Variants in SLC22A15 observed in about 807,000 individuals in gnomAD.
SLC22A15 encodes flipt 1.
A neutral mutation model predicts 62.7 loss-of-function variants in SLC22A15; 45 were observed. The ratio of observed to expected loss-of-function variants is 0.72; its 90% CI spans 0.56 to 0.92. The LOEUF is 0.92. Among genes scored for constraint, SLC22A15 ranks in the 40% least tolerant of loss-of-function variants. SLC22A15 has a pLI of 0.00. For synonymous variants in SLC22A15, 264 were observed against 267.0 expected (o/e 0.99, Z 0.11); for missense variants, 622 against 665.6 (o/e 0.93, Z 0.72).
intron 1 of SLC22A15, among the ~76,000 whole-genome samples, chr1:115,981,127 A>G (rs941689943): frequency 1.3e-5 from 2 of 152,322 alleles, no homozygotes; most frequent in Non-Finnish European, 2.9e-5. Flanking sequence ...CTGATGAGAT[A>G]TGGCTGAGAT....
At chr1:116,029,533 T>C (rs1657289504) in intron 5 of SLC22A15, among the ~76,000 whole-genome samples, 1 of 152,198 alleles carries the variant, frequency 6.6e-6, no homozygotes, top group African/African-American at 2.4e-5. Context: ...TCCAAATCTG[T>C]CCACTGGCAA....
intron 2 of SLC22A15, among the ~76,000 whole-genome samples, chr1:116,006,389 G>A (rs1655982486): frequency 1.3e-5 from 2 of 152,102 alleles, no homozygotes; most frequent in Non-Finnish European, 2.9e-5. Context: ...TTAGTTAAAG[G>A]GAACCCAGGG....
rs761751370 is a variant in SLC22A15 at position 115,992,013 on chromosome 1, G to A, written c.88-18G>A. ...GCAAATATCTGCAGTGTTTGGTTCT[G>A]TGTGTTTGCTCTTTCAGCTCTACGT... On this transcript the variant is annotated intron_variant, in intron 1 of 11. Transcript: ENST00000369503. The A allele has an allele frequency of 6.2e-7, 1 of 1,609,946 alleles. No homozygotes were observed. The highest frequency in any genetic ancestry group is 1.1e-5 in the South Asian group (1 of 90,898).
chr1:116,030,882 A>T (rs1339654559), intron 5 of SLC22A15, among the ~76,000 whole-genome samples: 2 of 151,944 alleles, frequency 1.3e-5, no homozygotes, highest in Admixed American at 1.3e-4. Flanking sequence ...TTTCAGTTTA[A>T]ATTTTTTTTT....
chr1:116,060,519 C>T (rs1180395398), intron 8 of SLC22A15, among the ~76,000 whole-genome samples: 1 of 152,160 alleles, frequency 6.6e-6, no homozygotes, highest in Non-Finnish European at 1.5e-5. Context: ...GTTCTTTAGC[C>T]TGTTGTTAAA....
chr1:116,025,123 C>T (rs192899305), intron 4 of SLC22A15, among the ~76,000 whole-genome samples: 7 of 152,116 alleles, frequency 4.6e-5, no homozygotes, highest in Admixed American at 2.6e-4. Context: ...AACTGAGGCT[C>T]GGGGATATTT....
chr1:116,019,900 G>A (rs1656732998), intron 3 of SLC22A15, among the ~76,000 whole-genome samples, 186 bp downstream of exon 3: 1 of 152,200 alleles, frequency 6.6e-6, no homozygotes, highest in South Asian at 2.1e-4. Flanking sequence ...GCACCTTTAA[G>A]TTACTAGCCC....
chr1:116,023,784 A>T (rs1656956494), intron 4 of SLC22A15, among the ~76,000 whole-genome samples: 1 of 152,240 alleles, frequency 6.6e-6, no homozygotes, highest in Non-Finnish European at 1.5e-5. Context: ...GAAAACCTCG[A>T]TGTGGGTGTT....
At position 115,976,659 on chromosome 1, in the gene SLC22A15, G is replaced by A. The variant is rs368125297; in HGVS notation, c.32G>A (p.Gly11Glu). ...GTGGAGGAGGCGTTCCAGGCGGTGG[G>A]GGAGATGGGCATCTACCAGATGTAC... MEVEEAFQAVGEMGIYQMYLC... is the reference protein window; with the variant it reads MEVEEAFQAVEEMGIYQMYLC... Residue 11 changes from glycine to glutamate, a missense_variant, in exon 1 of 12, where the codon GGG (glycine) becomes GAG (glutamate). Physicochemically the swap from Gly to Glu is moderately conservative, Grantham distance 98 (BLOSUM62 -2). Coordinates refer to ENST00000369503, the MANE Select transcript of SLC22A15 (RefSeq NM_018420.3). The A allele has an allele frequency of 2.5e-6, 4 of 1,588,478 alleles. No individual in the cohort carries two copies. The highest frequency in any genetic ancestry group is 3.4e-6 in the Non-Finnish European group (4 of 1,169,266).
intron 2 of SLC22A15, among the ~76,000 whole-genome samples, chr1:116,000,610 A>T (rs1655672172): frequency 7.0e-6 from 1 of 142,578 alleles, no homozygotes; most frequent in African/African-American, 2.5e-5. Context: ...ATCTTCATGT[A>T]ATTTCTTTTT....
intron 2 of SLC22A15, among the ~76,000 whole-genome samples, chr1:116,008,925 TGAG>T (rs1477163189): frequency 1.3e-5 from 2 of 152,110 alleles, no homozygotes; most frequent in Non-Finnish European, 2.9e-5. Context: ...GTCAGACTCA[TGAG>T]GAGCCTGGCC....
chr1:116,008,434 A>G (rs970476883), intron 2 of SLC22A15, among the ~76,000 whole-genome samples: 2 of 152,150 alleles, frequency 1.3e-5, no homozygotes, highest in South Asian at 2.1e-4. Flanking sequence ...AGTGTGTAGC[A>G]TTGTTAGGTT....
chr1:116,048,873 G>C (rs1412273241), intron 8 of SLC22A15, among the ~76,000 whole-genome samples: 1 of 152,076 alleles, frequency 6.6e-6, no homozygotes, highest in Non-Finnish European at 1.5e-5. Flanking sequence ...ACACATTAAG[G>C]ACTCACATAA....
chr1:115,986,573 G>C (rs1477957802), intron 1 of SLC22A15, among the ~76,000 whole-genome samples: 1 of 152,146 alleles, frequency 6.6e-6, no homozygotes, highest in Non-Finnish European at 1.5e-5. Flanking sequence ...AGGGAGAAAT[G>C]GGAAGGTCAT....
At chr1:116,041,527 G>A (rs765426896) in intron 8 of SLC22A15, among the ~76,000 whole-genome samples, 6 of 152,168 alleles carry the variant, frequency 3.9e-5, no homozygotes, top group Non-Finnish European at 5.9e-5. Flanking sequence ...GACAGGCAAT[G>A]ATCCCTGAGA....
In SLC22A15 at chr1:116,031,567, C is replaced by T. The variant is rs988921408; in HGVS notation, c.930C>T (p.Ile310=). The T allele has an allele frequency of 1.2e-6, 2 of 1,613,788 alleles. No individual in the cohort carries two copies. Among genetic ancestry groups the T allele is most frequent in the Non-Finnish European group, 8.5e-7 (1 of 1,179,806 alleles). ...RYRVLLGHTL[I]LMFIWFVCSL... The stretch of plus-strand genomic sequence containing the variant: ...GGGTCCTGTTAGGACACACTTTGAT[C>T]CTGATGTTCATCTGGTAATTATACT... The change falls in exon 6 of 12, where the codon ATC becomes ATT. Residue 310 remains isoleucine (I), a synonymous_variant. Transcript: ENST00000369503.
intron 11 of SLC22A15, 88 bp from the exon 12 acceptor site, chr1:116,066,931 A>G (rs980900750): frequency 1.5e-5 from 16 of 1,097,048 alleles, no homozygotes; most frequent in Middle Eastern, 2.5e-4. Flanking sequence ...ATATAAATAC[A>G]TTTGTCAGTT....
Position 116,031,863 on chromosome 1 carries a change from A to G in SLC22A15, c.944+282A>G, listed in dbSNP as rs1287664823. The G allele has an allele frequency of 5.6e-6, 7 of 1,251,182 alleles. No homozygotes were observed. In the African/African-American group the frequency reaches 1.1e-4, roughly 19 times the overall value. 77.5% of individuals were successfully genotyped at this position (1,251,182 alleles called of 1,614,324 possible). A position where few individuals can be genotyped will look rare whatever the true frequency, so the allele number is the denominator to read the frequency against. ...TGCTTTTGAGGTATTTATCATAAAT[A>G]TTTAAGCCTTCCTGCCCCTTCCCCT... On this transcript the variant is annotated intron_variant, in intron 6 of 11. Coordinates refer to ENST00000369503, the MANE Select transcript of SLC22A15 (RefSeq NM_018420.3).
At position 116,067,001 on chromosome 1, in the gene SLC22A15, T is replaced by C. The variant is rs1209524516; in HGVS notation, c.1555-18T>C. 1.3e-6 allele frequency: 2 copies of C among 1,599,020 alleles called. No homozygotes were observed. The highest frequency in any genetic ancestry group is 3.4e-5 in the Admixed American group (2 of 59,060). On this transcript the variant is annotated intron_variant, in intron 11 of 11. Transcript: ENST00000369503. ...TCATAACATCATTTCACTGCCCTTTTCTTCTTTCCTGTTTCAGTGTGTGGA... is the reference window on the plus strand; with the variant it reads ...TCATAACATCATTTCACTGCCCTTTCCTTCTTTCCTGTTTCAGTGTGTGGA...
Sources: allele counts gnomAD v4.1 joint callset (sites outside exome capture counted in the v4.1 genomes callset), GRCh38; gene constraint gnomAD v4.1.1; transcripts MANE v1.5; gene names NCBI Gene and HGNC (gene_info 2026-07-23, HGNC 2026-07-21).